The following DERPC variants were observed in gnomAD, a reference collection of about 807,000 sequenced individuals.
The protein encoded by DERPC is DERPC proline and glycine rich nuclear protein.
A neutral mutation model predicts 7.2 loss-of-function variants in DERPC; 1 was observed. The observed-to-expected ratio is 0.14, with a 90% CI of 0.05 to 0.66. The LOEUF is 0.66. Ranked by LOEUF, DERPC falls within the 30% of genes least tolerant of loss-of-function variation. The probability of loss-of-function intolerance (pLI) is 0.84; values close to 1 mark genes in which losing one functional copy is unlikely to be tolerated. For missense variants in DERPC, 502 were observed against 299.4 expected (o/e 1.68, Z -4.99); for synonymous variants, 185 against 117.6 (o/e 1.57, Z -3.71).
Position 69,119,479 on chromosome 16 carries a change from G to C in DERPC, c.950C>G (p.Ser317Trp), listed in dbSNP as rs566649288. 3.4e-5 allele frequency: 24 copies of C among 703,008 alleles called. No individual in the cohort carries two copies. Among genetic ancestry groups the C allele is most frequent in the Non-Finnish European group, 5.7e-5 (22 of 385,020 alleles). The allele number at this position is 703,008 out of a possible 1,614,324, so 43.5% of individuals were successfully genotyped here. Reference protein sequence around the residue: ...ARVPGPMGPNSGPSSRGIGLP... With the variant: ...ARVPGPMGPNWGPSSRGIGLP... The stretch of plus-strand genomic sequence containing the variant: ...GCCAATTCCCCGAGAGCTAGGACCC[G>C]AGTTTGGGCCCATGGGGCCAGGTAC... The change falls in exon 3 of 3, where the codon TCG becomes TGG. Residue 317 changes from serine (S) to tryptophan (W), a missense_variant. Transcript: ENST00000519520.
At chr16:69,122,953 A>T (rs1475784603) in intron 1 of DERPC, among the ~76,000 whole-genome samples, 1 of 152,124 alleles carries the variant, frequency 6.6e-6, no homozygotes, top group Non-Finnish European at 1.5e-5. Context: ...TGCTGGGATT[A>T]CAGGCATTAG....
chr16:69,130,967 CA>C (rs1435023665), intron 1 of DERPC, among the ~76,000 whole-genome samples: 1 of 152,116 alleles, frequency 6.6e-6, no homozygotes, highest in African/African-American at 2.4e-5. Context: ...GCCTTTCTAC[CA>C]AGTGAACAAC....
intron 1 of DERPC, among the ~76,000 whole-genome samples, chr16:69,125,905 C>T (rs1249690003): frequency 6.6e-6 from 1 of 152,166 alleles, no homozygotes; most frequent in Admixed American, 6.5e-5. Flanking sequence ...CCAAATATAA[C>T]ATCTGCTGAG....
intron 1 of DERPC, among the ~76,000 whole-genome samples, chr16:69,123,483 C>G (rs781537479): frequency 2.6e-5 from 4 of 151,954 alleles, no homozygotes; most frequent in Non-Finnish European, 5.9e-5. Flanking sequence ...ACGGTGAAAC[C>G]CAGTCTCTAC....
In DERPC at chr16:69,119,521, G is replaced by A. The variant is rs1239007746; in HGVS notation, c.908C>T (p.Pro303Leu). 6 of 703,044 alleles carry A rather than the reference G, an allele frequency of 8.5e-6. No homozygotes were observed. The highest frequency in any genetic ancestry group is 8.0e-5 in the East Asian group (3 of 37,296). 43.6% of individuals were successfully genotyped at this position (703,044 alleles called of 1,614,324 possible). A position where few individuals can be genotyped will look rare whatever the true frequency, so the allele number is the denominator to read the frequency against. The change falls in exon 3 of 3, where the codon CCA becomes CTA. Residue 303 changes from proline to leucine, a missense_variant. By Grantham distance (98) the Pro-to-Leu change is moderately conservative. Transcript: ENST00000519520. Reference protein sequence around the residue: ...SQASGNMGTSPSSMARVPGPM... With the variant: ...SQASGNMGTSLSSMARVPGPM... ...GCCAGGTACTCTTGCCATGGAGGAT[G>A]GGCTTGTGCCCATGTTTCCAGAAGC...
In DERPC at chr16:69,118,891, A is replaced by C. The variant is rs770057006; in HGVS notation, c.1538T>G (p.Met513Arg). Residue 513 changes from methionine (M) to arginine (R), a missense_variant, in exon 3 of 3, where the codon ATG becomes AGG. Transcript: ENST00000519520. ...CATTCCATTTGGGTACATTGCAGCC[A>C]TTGGACCCCCTGGTCTGGGGAAAGC... ...PAAFPRPGGP[M>R]AAMYPNGMLP... The C allele has an allele frequency of 1.4e-6, 1 of 703,078 alleles. No homozygotes were observed. Among genetic ancestry groups the C allele is most frequent in the South Asian group, 1.5e-5 (1 of 67,594 alleles). 43.6% of individuals were successfully genotyped at this position (703,078 alleles called of 1,614,324 possible).
chr16:69,125,498 A>G (rs956861949), intron 1 of DERPC, among the ~76,000 whole-genome samples: 7 of 152,320 alleles, frequency 4.6e-5, no homozygotes, highest in Non-Finnish European at 4.4e-5. Flanking sequence ...CAAAGGAAAA[A>G]AAGTATTAAT....
At chr16:69,121,380 A>G (rs1961643108) in intron 2 of DERPC, 56 bp downstream of exon 2, 1 of 1,472,400 alleles carries the variant, frequency 6.8e-7, no homozygotes, top group Non-Finnish European at 9.3e-7. Context: ...CACATGGCAC[A>G]CCTCTATAGC....
At chr16:69,127,327 G>A (rs908497904) in intron 1 of DERPC, among the ~76,000 whole-genome samples, 2 of 151,650 alleles carry the variant, frequency 1.3e-5, no homozygotes, top group African/African-American at 4.8e-5. Context: ...AAAAGAGGTG[G>A]GGAAGAAGTA....
intron 1 of DERPC, among the ~76,000 whole-genome samples, chr16:69,125,740 T>C (rs1255921160): frequency 6.6e-6 from 1 of 152,190 alleles, no homozygotes; most frequent in Non-Finnish European, 1.5e-5. Context: ...AAAATCCTTT[T>C]ATAAGGTTTC....
chr16:69,121,959 G>A (rs540998880), intron 1 of DERPC, among the ~76,000 whole-genome samples: 16 of 148,504 alleles, frequency 1.1e-4, no homozygotes, highest in Admixed American at 4.0e-4. Context: ...GTGAGCCACC[G>A]CGCCCGGCCC....
At chr16:69,129,984 C>G (rs1962376517) in intron 1 of DERPC, among the ~76,000 whole-genome samples, 1 of 152,200 alleles carries the variant, frequency 6.6e-6, no homozygotes. Context: ...AAGCTTTACC[C>G]TCTGCTCCTG....
chr16:69,121,282 G>A, intron 2 of DERPC, 154 bp downstream of exon 2: 1 of 1,270,372 alleles, frequency 7.9e-7, no homozygotes, highest in Non-Finnish European at 1.1e-6. Flanking sequence ...TCAAGTTCTT[G>A]GGAAATTGGG....
Position 69,120,733 on chromosome 16 carries a change from G to A in DERPC, c.-221-84C>T. ...CGCCTCCTAAAGCTGCTCTTGGCAG[G>A]CTATGCTGGCACCTCCAATCCCTGG... On this transcript the variant is annotated intron_variant, in intron 2 of 2. Transcript: ENST00000519520. The surrounding 1 kb of genome is among the most constrained non-coding windows in gnomAD (Gnocchi z 4.0). 8.4e-7 allele frequency: 1 copy of A among 1,192,392 alleles called. No homozygotes were observed. Among genetic ancestry groups the A allele is most frequent in the Admixed American group, 2.0e-5 (1 of 49,598 alleles). The allele number at this position is 1,192,392 out of a possible 1,614,324, so 73.9% of individuals were successfully genotyped here. A position where few individuals can be genotyped will look rare whatever the true frequency, so the allele number is the denominator to read the frequency against.
chr16:69,130,071 C>T (rs919070462), intron 1 of DERPC, among the ~76,000 whole-genome samples: 1 of 152,124 alleles, frequency 6.6e-6, no homozygotes, highest in Non-Finnish European at 1.5e-5. Flanking sequence ...TAATTCTTAC[C>T]CTCTGGTCTC....
At position 69,120,080 on chromosome 16, in the gene DERPC, C is replaced by T. The variant is rs1567587648; in HGVS notation, c.349G>A (p.Gly117Ser). The change falls in exon 3 of 3, where the codon GGC (glycine) becomes AGC (serine). Residue 117 changes from glycine to serine, a missense_variant. Gly to Ser is a moderately conservative substitution (Grantham distance 56). Transcript: ENST00000519520. This position sits in a 1 kb window ranked among gnomAD's most constrained non-coding sequence, Gnocchi z 4.0. ...TGAVSFPRPGGLLGPGPGPGP... is the reference protein window; with the variant it reads ...TGAVSFPRPGSLLGPGPGPGP... The stretch of plus-strand genomic sequence containing the variant: ...GGGCCTGGGCCTGGCCCCAAGAGGC[C>T]ACCAGGCCTTGGGAAAGAAACTGCA... 4.3e-6 allele frequency: 3 copies of T among 694,906 alleles called. No individual in the cohort carries two copies. The highest frequency in any genetic ancestry group is 7.9e-6 in the Non-Finnish European group (3 of 382,042). 43.0% of individuals were successfully genotyped at this position (694,906 alleles called of 1,614,324 possible). A position where few individuals can be genotyped will look rare whatever the true frequency, so the allele number is the denominator to read the frequency against.
Position 69,119,581 on chromosome 16 carries a change from C to CCTG in DERPC, c.845_847dup (p.Ala282dup). ...AGAAGCTGAATTTGCTCCTAAAAGA[C>CCTG]CTGCTGCTCTTAGAATGGGGGCAAG... On this transcript the variant is annotated inframe_insertion, in exon 3 of 3. Transcript: ENST00000519520. 1.4e-6 allele frequency: 1 copy of CCTG among 702,066 alleles called. No individual in the cohort carries two copies. Among genetic ancestry groups the CCTG allele is most frequent in the Non-Finnish European group, 2.6e-6 (1 of 384,490 alleles). The allele number at this position is 702,066 out of a possible 1,614,324, so 43.5% of individuals were successfully genotyped here. A position where few individuals can be genotyped will look rare whatever the true frequency, so the allele number is the denominator to read the frequency against.
chr16:69,131,746 C>G (rs1365803016), intron 1 of DERPC, among the ~76,000 whole-genome samples: 1 of 151,726 alleles, frequency 6.6e-6, no homozygotes, highest in African/African-American at 2.4e-5. Flanking sequence ...CCAAAGATTA[C>G]TCTTTAAACG....
chr16:69,121,071 G>T (rs1381748443), intron 2 of DERPC: 5 of 1,613,914 alleles, frequency 3.1e-6, no homozygotes, highest in Non-Finnish European at 4.2e-6. Context: ...TGTAATGTAG[G>T]TCTCCCAGGA....
Sources: allele counts gnomAD v4.1 joint callset (sites outside exome capture counted in the v4.1 genomes callset), GRCh38; gene constraint gnomAD v4.1.1; non-coding constraint Gnocchi (gnomAD v3.1); transcripts MANE v1.5; gene names NCBI Gene and HGNC (gene_info 2026-07-23, HGNC 2026-07-21).